The following LRP1B variants were observed in gnomAD, a reference collection of about 807,000 sequenced individuals.
LRP1B encodes the protein low-density lipoprotein receptor-related protein 1B.
LRP1B carries 217 observed loss-of-function variants against 556.6 expected under a neutral mutation model. The ratio of observed to expected loss-of-function variants is 0.39; its 90% CI spans 0.35 to 0.44. The LOEUF (loss-of-function observed/expected upper bound fraction) is 0.44. Ranked by LOEUF, LRP1B falls within the 20% of genes least tolerant of loss-of-function variation. The probability of loss-of-function intolerance (pLI) is 1.00; values close to 1 mark genes in which losing one functional copy is unlikely to be tolerated. For missense variants in LRP1B, 5,053 were observed against 5,620.8 expected (o/e 0.90, Z 3.23); for synonymous variants, 2,047 against 1,865.8 (o/e 1.10, Z -2.50).
chr2:141,858,041 A>G (rs991757361), intron 1 of LRP1B, among the ~76,000 whole-genome samples: 7 of 152,206 alleles, frequency 4.6e-5, no homozygotes, highest in African/African-American at 7.2e-5. Flanking sequence ...TATAAAGTTA[A>G]AAATGATCCA....
chr2:141,036,133 G>A (rs1246729634), intron 11 of LRP1B, among the ~76,000 whole-genome samples: 1 of 151,922 alleles, frequency 6.6e-6, no homozygotes, highest in Non-Finnish European at 1.5e-5. Context: ...AAAATACATT[G>A]AAATGCAAAG....
intron 6 of LRP1B, among the ~76,000 whole-genome samples, chr2:141,225,053 T>TA (rs1683190667): frequency 6.6e-6 from 1 of 152,146 alleles, no homozygotes; most frequent in Non-Finnish European, 1.5e-5. Flanking sequence ...TAGCTCTAGT[T>TA]AGAGGTTCAA....
intron 79 of LRP1B, among the ~76,000 whole-genome samples, chr2:140,327,036 G>C (rs1680525818): frequency 6.6e-6 from 1 of 152,052 alleles, no homozygotes; most frequent in African/African-American, 2.4e-5. Context: ...CACTGCTGTA[G>C]ATTAACTTTT....
At chr2:141,769,455 CCAGA>C (rs1250173172) in intron 2 of LRP1B, among the ~76,000 whole-genome samples, 1 of 152,120 alleles carries the variant, frequency 6.6e-6, no homozygotes, top group Non-Finnish European at 1.5e-5. Flanking sequence ...GTAGTTCTTA[CCAGA>C]CAGAGAACAG....
chr2:141,587,963 G>A (rs1034510204), intron 2 of LRP1B, among the ~76,000 whole-genome samples: 5 of 152,144 alleles, frequency 3.3e-5, no homozygotes, highest in Non-Finnish European at 7.4e-5. Context: ...TTGTTTATCA[G>A]ATGTAGAAAA....
At chr2:140,400,356 A>G (rs1483172347) in intron 66 of LRP1B, among the ~76,000 whole-genome samples, 1 of 152,190 alleles carries the variant, frequency 6.6e-6, no homozygotes, top group African/African-American at 2.4e-5. Context: ...TGAGGATTCT[A>G]CACTATCTCC....
At chr2:141,761,016 C>T (rs906188629) in intron 2 of LRP1B, among the ~76,000 whole-genome samples, 6 of 152,068 alleles carry the variant, frequency 3.9e-5, no homozygotes, top group African/African-American at 1.4e-4. Context: ...ATTTTATTTA[C>T]GGAGTATGGG....
intron 7 of LRP1B, among the ~76,000 whole-genome samples, chr2:141,075,505 C>A (rs576473189): frequency 6.6e-6 from 1 of 152,024 alleles, no homozygotes; most frequent in African/African-American, 2.4e-5. Flanking sequence ...TTTAGCATTC[C>A]TTCAGGAATC....
At chr2:141,721,780 T>C (rs7599716) in intron 2 of LRP1B, among the ~76,000 whole-genome samples, 62,543 of 151,898 alleles carry the variant, frequency 0.41, 13,460 homozygotes, top group East Asian at 0.67. Context: ...CAGAAAATTG[T>C]GAAAAATTAT....
intron 2 of LRP1B, among the ~76,000 whole-genome samples, chr2:141,707,662 C>T (rs548092075): frequency 6.6e-6 from 1 of 152,204 alleles, no homozygotes; most frequent in South Asian, 2.1e-4. Context: ...CAGTGTCTGC[C>T]ACGTGTCAAG....
chr2:141,552,372 G>A (rs1239411339), intron 2 of LRP1B, among the ~76,000 whole-genome samples: 1 of 152,004 alleles, frequency 6.6e-6, no homozygotes, highest in Non-Finnish European at 1.5e-5. Context: ...CTCATTGTGA[G>A]TATTAAAACA....
chr2:140,930,409 A>G (rs1479490408), intron 20 of LRP1B, among the ~76,000 whole-genome samples: 1 of 152,114 alleles, frequency 6.6e-6, no homozygotes, highest in African/African-American at 2.4e-5. Flanking sequence ...ACTGTGACTA[A>G]ATATTTATAG....
chr2:140,251,879 A>G (rs1343473918), intron 86 of LRP1B, among the ~76,000 whole-genome samples: 4 of 151,518 alleles, frequency 2.6e-5, no homozygotes, highest in African/African-American at 4.8e-5. Context: ...GAAGAAAATC[A>G]GAAAAACACA....
chr2:140,720,899 C>T (rs436323), intron 35 of LRP1B, among the ~76,000 whole-genome samples: 27,453 of 151,956 alleles, frequency 0.18, 2,657 homozygotes, highest in African/African-American at 0.24. Flanking sequence ...TAATCACCAG[C>T]ACACTAGGAA....
chr2:141,041,206 G>C lies in LRP1B; in HGVS notation c.1789+7780C>G, dbSNP rs573658180. 5.9e-5 allele frequency among the ~76,000 whole-genome samples: 9 copies of C among 152,202 alleles called. 1 individual carries two copies. The highest frequency in any genetic ancestry group is 2.2e-4 in the African/African-American group (9 of 41,536). ...AATAGAACACACCTTCATACGTAAA[G>C]TCAGTATATCAGTATAGCAAGGGGG... On this transcript the variant is annotated intron_variant, in intron 11 of 90. Transcript: ENST00000389484.
intron 1 of LRP1B, among the ~76,000 whole-genome samples, chr2:141,947,329 C>G (rs756471680): frequency 2.0e-5 from 3 of 151,752 alleles, no homozygotes; most frequent in South Asian, 4.2e-4. Context: ...CCCAGCTACT[C>G]GGGAGGATGA....
intron 59 of LRP1B, among the ~76,000 whole-genome samples, chr2:140,477,695 G>A (rs1688031735): frequency 6.6e-6 from 1 of 151,802 alleles, no homozygotes; most frequent in South Asian, 2.1e-4. Context: ...TTTTTCATCT[G>A]GTAGTCTTAC....
chr2:140,614,319 C>A (rs186756096), intron 41 of LRP1B, among the ~76,000 whole-genome samples: 117 of 152,102 alleles, frequency 7.7e-4, no homozygotes, highest in African/African-American at 2.7e-3. Flanking sequence ...CTCTTTAATT[C>A]CATCTTTAGA....
chr2:140,409,231 A>G (rs867374963), intron 66 of LRP1B, among the ~76,000 whole-genome samples: 2 of 151,920 alleles, frequency 1.3e-5, no homozygotes, highest in Non-Finnish European at 2.9e-5. Flanking sequence ...CTTTATAGGC[A>G]TAACTTATAG....
Sources: allele counts gnomAD v4.1 joint callset (sites outside exome capture counted in the v4.1 genomes callset), GRCh38; gene constraint gnomAD v4.1.1; transcripts MANE v1.5; gene names NCBI Gene and HGNC (gene_info 2026-07-23, HGNC 2026-07-21).